The following ADCY5 variants were observed in gnomAD, a reference collection of about 807,000 sequenced individuals.
ADCY5 encodes the protein adenylate cyclase type 5.
In ADCY5, 30 loss-of-function variants were observed where a neutral mutation model predicts 119.7. The observed-to-expected ratio is 0.25, with a 90% CI of 0.19 to 0.34. The LOEUF (loss-of-function observed/expected upper bound fraction) is 0.34, where lower values mean the gene tolerates loss of function less well. ADCY5 is among the 10% of genes least tolerant of loss of function. The pLI, the probability that ADCY5 is intolerant of heterozygous loss-of-function variation, is 1.00. For synonymous variants in ADCY5, 753 were observed against 762.2 expected (o/e 0.99, Z 0.20); for missense variants, 1,324 against 1,775.2 (o/e 0.75, Z 4.57).
At position 123,303,147 on chromosome 3, in the gene ADCY5, C is replaced by T. The variant is rs146316902; in HGVS notation, c.2632G>A (p.Ala878Thr). Residue 878 changes from alanine to threonine, a missense_variant, in exon 14 of 21, where the codon GCG becomes ACG. Coordinates refer to ENST00000462833, the MANE Select transcript of ADCY5 (RefSeq NM_183357.3). ...ACGGCCGACTCCGCCACGTGACACG[C>T]GTTGACCTGGCTCGCGCTGATGTTG... The part of the protein sequence containing the change: ...EHNISASQVN[A>T]CHVAESAVNY... 16 of 1,613,790 alleles carry T rather than the reference C, an allele frequency of 9.9e-6. No homozygotes were observed. The highest frequency in any genetic ancestry group is 1.7e-5 in the Admixed American group (1 of 60,012).
Position 123,438,536 on chromosome 3 carries a change from C to G in ADCY5, c.1134+8876G>C, listed in dbSNP as rs7632879. Among the ~76,000 whole-genome samples, 1,037 of 152,282 alleles carry G rather than the reference C, an allele frequency of 6.8e-3. 11 individuals are homozygous for G. The highest frequency in any genetic ancestry group is 0.024 in the African/African-American group (978 of 41,552). On this transcript the variant is annotated intron_variant, in intron 1 of 20. Coordinates refer to ENST00000462833, the MANE Select transcript of ADCY5 (RefSeq NM_183357.3). ...ACCTCCCTGTCCTGCTTCACCCTGCCCAGGACATGAATATCCCTTTGTCCA... is the reference window on the plus strand; with the variant it reads ...ACCTCCCTGTCCTGCTTCACCCTGCGCAGGACATGAATATCCCTTTGTCCA...
chr3:123,324,454 ACACACAC>A (rs1559806366), intron 8 of ADCY5, among the ~76,000 whole-genome samples: 19 of 103,868 alleles, frequency 1.8e-4, no homozygotes, highest in Non-Finnish European at 1.7e-4. Context: ...ACACACACAC[ACACACAC>A]ACACACACAG....
At chr3:123,392,842 A>G (rs930406234) in intron 1 of ADCY5, among the ~76,000 whole-genome samples, 7 of 63,654 alleles carry the variant, frequency 1.1e-4, no homozygotes, top group African/African-American at 3.8e-4. Flanking sequence ...ATCCTCCCAC[A>G]TAGGACAGTC....
chr3:123,372,285 C>A (rs1193123398), intron 1 of ADCY5, among the ~76,000 whole-genome samples: 1 of 152,152 alleles, frequency 6.6e-6, no homozygotes, highest in Non-Finnish European at 1.5e-5. Flanking sequence ...TCTCCCAGGA[C>A]TCAGAAGCAG....
chr3:123,392,888 G>C (rs1667387309), intron 1 of ADCY5, among the ~76,000 whole-genome samples: 1 of 152,062 alleles, frequency 6.6e-6, no homozygotes. Flanking sequence ...AGCATCCACA[G>C]GAGGCCACCA....
At chr3:123,331,103 G>A (rs764132506) in intron 4 of ADCY5, 87 bp from the exon 5 acceptor site, 95 of 1,441,212 alleles carry the variant, frequency 6.6e-5, no homozygotes, top group Non-Finnish European at 7.8e-5. Context: ...GATTCACCCC[G>A]TGCCTGGAAT....
intron 1 of ADCY5, among the ~76,000 whole-genome samples, chr3:123,439,597 T>C (rs909023598): frequency 3.3e-5 from 5 of 152,300 alleles, no homozygotes; most frequent in African/African-American, 1.2e-4. Flanking sequence ...CATAATGTTA[T>C]ATAGGGTTTG....
intron 15 of ADCY5, among the ~76,000 whole-genome samples, chr3:123,298,774 TCTCA>T (rs771323026): frequency 1.3e-5 from 2 of 148,958 alleles, no homozygotes; most frequent in Non-Finnish European, 1.5e-5. Context: ...AATCCCTTCC[TCTCA>T]CTCAAAGAAG....
chr3:123,308,741 A>G (rs1201617801), intron 12 of ADCY5, among the ~76,000 whole-genome samples: 5 of 152,180 alleles, frequency 3.3e-5, no homozygotes, highest in Admixed American at 6.5e-5. Context: ...AGGTAGGAGA[A>G]TGGCGTGAAC....
At chr3:123,303,758 G>A (rs1940000312) in intron 13 of ADCY5, among the ~76,000 whole-genome samples, 1 of 152,118 alleles carries the variant, frequency 6.6e-6, no homozygotes, top group South Asian at 2.1e-4. Flanking sequence ...CCAGGAGGTG[G>A]AGGTTGCAGT....
At chr3:123,327,961 C>T (rs1005581974) in intron 6 of ADCY5, among the ~76,000 whole-genome samples, 22 of 152,228 alleles carry the variant, frequency 1.4e-4, no homozygotes, top group Admixed American at 1.4e-3. Context: ...TGCAACCACA[C>T]TGTCTCACAC....
Position 123,288,239 on chromosome 3 carries a change from G to T in ADCY5, c.3533-1430C>A, listed in dbSNP as rs1383854836. 2.0e-5 allele frequency among the ~76,000 whole-genome samples: 3 copies of T among 152,226 alleles called. No individual in the cohort carries two copies. In the East Asian group the frequency reaches 5.8e-4, roughly 29 times the overall value. ...CAAAATGTCTCCCAAGGACAGGAAT[G>T]ATCACAATACTGGTTTTTAGTCATC... On this transcript the variant is annotated intron_variant, in intron 19 of 20. Transcript: ENST00000462833.
chr3:123,338,932 G>A (rs916328071), intron 3 of ADCY5, among the ~76,000 whole-genome samples: 1 of 152,208 alleles, frequency 6.6e-6, no homozygotes, highest in Non-Finnish European at 1.5e-5. Context: ...TGGACACCCA[G>A]GTGCTGAGTT....
At chr3:123,348,647 A>T (rs1942689963) in intron 2 of ADCY5, among the ~76,000 whole-genome samples, 1 of 152,178 alleles carries the variant, frequency 6.6e-6, no homozygotes, top group Non-Finnish European at 1.5e-5. Context: ...AACCAGTGGC[A>T]GGGGAGGTGG....
At chr3:123,382,450 TCAAA>T (rs1443426426) in intron 1 of ADCY5, among the ~76,000 whole-genome samples, 1 of 152,184 alleles carries the variant, frequency 6.6e-6, no homozygotes, top group Non-Finnish European at 1.5e-5. Context: ...GAGCAGGGGC[TCAAA>T]CAGATATTTT....
At chr3:123,294,551 A>G (rs566522375) in intron 17 of ADCY5, among the ~76,000 whole-genome samples, 4 of 152,326 alleles carry the variant, frequency 2.6e-5, no homozygotes, top group African/African-American at 9.6e-5. Context: ...TGCTTCCTCC[A>G]GGAAGGCTCA....
intron 1 of ADCY5, among the ~76,000 whole-genome samples, chr3:123,356,194 C>G (rs746556981): frequency 1.3e-5 from 2 of 151,902 alleles, no homozygotes; most frequent in Non-Finnish European, 1.5e-5. Flanking sequence ...GATATAAAAC[C>G]CTTAGAAGAA....
Position 123,284,517 on chromosome 3 carries a change from G to A in ADCY5, c.*91C>T. On this transcript the variant is annotated 3_prime_UTR_variant, in exon 21 of 21. Transcript: ENST00000462833. ...CTCAGCAGCGCAGCCCTGCGGGCTG[G>A]AGCATGGCTTCCCCGCCACCCCCGG... The A allele has an allele frequency of 7.0e-6, 11 of 1,565,722 alleles. No individual in the cohort carries two copies. The highest frequency in any genetic ancestry group is 2.0e-4 in the Middle Eastern group (1 of 4,994).
intron 1 of ADCY5, among the ~76,000 whole-genome samples, chr3:123,424,332 G>A (rs898503078): frequency 6.6e-6 from 1 of 152,228 alleles, no homozygotes; most frequent in African/African-American, 2.4e-5. Context: ...GGAGCTCTCT[G>A]AAGGCAGGAG....
Sources: gnomAD v4.1 joint callset for allele counts (sites outside exome capture counted in the v4.1 genomes callset) on GRCh38, gnomAD v4.1.1 for gene constraint, MANE v1.5 for transcripts, NCBI Gene and HGNC (gene_info 2026-07-23, HGNC 2026-07-21) for gene names.